The following CD2AP variants were observed in gnomAD, a reference collection of about 807,000 sequenced individuals.
The protein encoded by CD2AP is CD2 associated protein.
Under a neutral mutation model 85.1 loss-of-function variants are expected in CD2AP, and 46 were observed. The observed-to-expected ratio is 0.54, with a 90% confidence interval of 0.43 to 0.69. CD2AP has a LOEUF of 0.69. CD2AP is among the 30% of genes least tolerant of loss of function. The pLI is 0.00. For missense variants in CD2AP, 769 were observed against 729.5 expected (o/e 1.05, Z -0.62); for synonymous variants, 255 against 252.9 (o/e 1.01, Z -0.08).
chr6:47,610,971 A>ATATATATATTTTT, intron 16 of CD2AP, among the ~76,000 whole-genome samples: 12 of 112,906 alleles, frequency 1.1e-4, no homozygotes, highest in African/African-American at 3.2e-4. Context: ...ATATATATGT[A>ATATATATATTTTT]TTTTTTTTTT....
intron 11 of CD2AP, among the ~76,000 whole-genome samples, chr6:47,590,919 T>G (rs1379197781): frequency 1.3e-5 from 2 of 152,076 alleles, no homozygotes; most frequent in African/African-American, 4.8e-5. Flanking sequence ...CACAAAAAAA[T>G]GGAAAAATAT....
intron 2 of CD2AP, among the ~76,000 whole-genome samples, chr6:47,510,248 G>A (rs984153842): frequency 4.6e-5 from 7 of 152,200 alleles, no homozygotes; most frequent in Non-Finnish European, 1.0e-4. Context: ...GTTTATATAT[G>A]TGGGTTAGTG....
intron 5 of CD2AP, among the ~76,000 whole-genome samples, chr6:47,558,153 T>G (rs1490516810): frequency 6.6e-6 from 1 of 152,206 alleles, no homozygotes; most frequent in Admixed American, 6.5e-5. Flanking sequence ...ATAGGAATGC[T>G]TGTGATTTTT....
chr6:47,528,722 G>C (rs760429619), intron 2 of CD2AP, among the ~76,000 whole-genome samples: 35 of 152,152 alleles, frequency 2.3e-4, no homozygotes, highest in Non-Finnish European at 3.2e-4. Context: ...AGGGTCACAA[G>C]TTTAGAGGTA....
intron 5 of CD2AP, among the ~76,000 whole-genome samples, chr6:47,562,245 A>G (rs1248839608): frequency 6.6e-6 from 1 of 152,246 alleles, no homozygotes; most frequent in Non-Finnish European, 1.5e-5. Flanking sequence ...TCAATAAACT[A>G]TGAGTATAGA....
intron 2 of CD2AP, among the ~76,000 whole-genome samples, chr6:47,508,481 A>G (rs1012280126): frequency 1.3e-5 from 2 of 150,214 alleles, no homozygotes; most frequent in African/African-American, 4.9e-5. Flanking sequence ...GCTTTAGCTT[A>G]GGGAAAAGTT....
At chr6:47,479,823 T>C (rs114596760) in intron 1 of CD2AP, among the ~76,000 whole-genome samples, 4 of 152,070 alleles carry the variant, frequency 2.6e-5, no homozygotes, top group Admixed American at 6.6e-5. Flanking sequence ...TTAAATACTT[T>C]TTTTTTTTGC....
At chr6:47,552,579 C>T (rs912445067) in intron 4 of CD2AP, among the ~76,000 whole-genome samples, 2 of 152,042 alleles carry the variant, frequency 1.3e-5, no homozygotes, top group African/African-American at 4.8e-5. Flanking sequence ...TGGGCGGGTT[C>T]TATATTTTTG....
At chr6:47,487,165 T>G (rs1217406027) in intron 1 of CD2AP, among the ~76,000 whole-genome samples, 1 of 152,190 alleles carries the variant, frequency 6.6e-6, no homozygotes, top group Non-Finnish European at 1.5e-5. Context: ...TACCTACTAA[T>G]TTGGCCATTC....
intron 3 of CD2AP, among the ~76,000 whole-genome samples, chr6:47,535,721 A>T (rs764246951): frequency 1.8e-4 from 27 of 152,142 alleles, no homozygotes; most frequent in African/African-American, 4.6e-4. Context: ...AACTGCTTGG[A>T]GACTGGGGGA....
intron 1 of CD2AP, 25 bp downstream of exon 1, chr6:47,478,273 C>T (rs751993865): frequency 7.5e-5 from 117 of 1,567,096 alleles, no homozygotes; most frequent in Non-Finnish European, 9.9e-5. Flanking sequence ...CGCTTCCCGC[C>T]GCCCGTCCGG....
chr6:47,534,125 G>T (rs1265617398), intron 3 of CD2AP, among the ~76,000 whole-genome samples: 1 of 152,138 alleles, frequency 6.6e-6, no homozygotes, highest in African/African-American at 2.4e-5. Context: ...TTCTTCAGTT[G>T]TTAAACATCT....
intron 1 of CD2AP, among the ~76,000 whole-genome samples, chr6:47,483,798 T>G (rs1364281565): frequency 6.6e-6 from 1 of 151,754 alleles, no homozygotes; most frequent in Non-Finnish European, 1.5e-5. Context: ...GCCTGTTTTT[T>G]TTTTTTTTTT....
At chr6:47,496,208 T>C (rs1249587450) in intron 1 of CD2AP, among the ~76,000 whole-genome samples, 1 of 152,174 alleles carries the variant, frequency 6.6e-6, no homozygotes, top group Non-Finnish European at 1.5e-5. Context: ...TTTTTTCTTC[T>C]TTTTTAAAGG....
intron 7 of CD2AP, among the ~76,000 whole-genome samples, 193 bp from the exon 8 acceptor site, chr6:47,576,816 A>G (rs905017385): frequency 6.6e-6 from 1 of 152,078 alleles, no homozygotes; most frequent in Non-Finnish European, 1.5e-5. Context: ...CACAAACAGT[A>G]AATATTTGAA....
chr6:47,537,646 C>A (rs1040822768), intron 3 of CD2AP, among the ~76,000 whole-genome samples: 1 of 152,006 alleles, frequency 6.6e-6, no homozygotes, highest in Non-Finnish European at 1.5e-5. Flanking sequence ...ATCACATTAT[C>A]TTTTTCTTCA....
At chr6:47,602,730 A>G (rs1769173273) in intron 13 of CD2AP, among the ~76,000 whole-genome samples, 1 of 123,840 alleles carries the variant, frequency 8.1e-6, no homozygotes, top group African/African-American at 3.0e-5. Context: ...TCTCTACAGA[A>G]AAAAAAAAAA....
intron 11 of CD2AP, among the ~76,000 whole-genome samples, chr6:47,582,830 T>A (rs1156522605): frequency 2.7e-5 from 4 of 150,514 alleles, no homozygotes; most frequent in Non-Finnish European, 5.9e-5. Flanking sequence ...TGGCCCAGGC[T>A]GGAGTGCAGT....
At chr6:47,501,617 T>G (rs565624419) in intron 1 of CD2AP, among the ~76,000 whole-genome samples, 2 of 151,664 alleles carry the variant, frequency 1.3e-5, no homozygotes, top group Admixed American at 1.3e-4. Context: ...ATACTCACTT[T>G]CCTTTTTTTT....
Sources: allele counts gnomAD v4.1 joint callset (sites outside exome capture counted in the v4.1 genomes callset), GRCh38; gene constraint gnomAD v4.1.1; transcripts MANE v1.5; gene names NCBI Gene and HGNC (gene_info 2026-07-23, HGNC 2026-07-21).